Variants in CCDC93 observed in about 807,000 individuals in gnomAD.
The protein encoded by CCDC93 is coiled-coil domain-containing protein 93.
CCDC93 carries 61 observed loss-of-function variants against 108.2 expected under a neutral mutation model. The ratio of observed to expected loss-of-function variants is 0.56; its 90% CI spans 0.46 to 0.70. The LOEUF (loss-of-function observed/expected upper bound fraction) is 0.70, where lower values mean the gene tolerates loss of function less well. CCDC93 is among the 30% of genes least tolerant of loss of function. The probability of loss-of-function intolerance (pLI) is 0.00; values close to 1 mark genes in which losing one functional copy is unlikely to be tolerated. For missense variants in CCDC93, 685 were observed against 764.2 expected, an observed-to-expected ratio of 0.90 and a Z score of 1.22; for synonymous variants, 276 against 260.4, an observed-to-expected ratio of 1.06 and a Z score of -0.58.
chr2:117,941,177 C>A lies in CCDC93; in HGVS notation c.1522+12G>T. On this transcript the variant is annotated intron_variant, in intron 19 of 23. Coordinates refer to ENST00000376300, the MANE Select transcript of CCDC93 (RefSeq NM_019044.5). Reference sequence around the variant, plus strand: ...CCAGCCTCAAGAGCTTGTCTGTGGTCAATGCACCTACTCTGGCGGTAGAGT... The same window carrying A: ...CCAGCCTCAAGAGCTTGTCTGTGGTAAATGCACCTACTCTGGCGGTAGAGT... 6.3e-7 allele frequency: 1 copy of A among 1,583,618 alleles called. No homozygotes were observed. The highest frequency in any genetic ancestry group is 8.7e-7 in the Non-Finnish European group (1 of 1,152,526).
At chr2:117,934,088 C>T (rs4849644) in intron 22 of CCDC93, 148,181 of 152,366 alleles carry the variant, frequency 0.97, 72,193 homozygotes, top group Middle Eastern at 1. Flanking sequence ...GTGAGGCCCA[C>T]TTCTTCCCCT....
intron 7 of CCDC93, among the ~76,000 whole-genome samples, chr2:117,981,467 T>C (rs193128045): frequency 7.2e-5 from 11 of 152,326 alleles, no homozygotes; most frequent in African/African-American, 1.9e-4. Flanking sequence ...CATGCTTCCA[T>C]TTGCTCCTGC....
intron 22 of CCDC93, 141 bp from the exon 23 acceptor site, chr2:117,931,291 T>C (rs991582839): frequency 5.0e-6 from 3 of 604,520 alleles, no homozygotes; most frequent in Non-Finnish European, 2.9e-6. Flanking sequence ...ATTTTTGAGG[T>C]TGGTTAATTT....
intron 11 of CCDC93, among the ~76,000 whole-genome samples, chr2:117,962,886 G>C (rs574361120): frequency 7.2e-4 from 110 of 152,182 alleles, no homozygotes; most frequent in Non-Finnish European, 1.4e-3. Flanking sequence ...CATAAATCTT[G>C]ATACAGCTGT....
At chr2:117,981,103 T>C (rs891818914) in intron 7 of CCDC93, among the ~76,000 whole-genome samples, 2 of 152,194 alleles carry the variant, frequency 1.3e-5, no homozygotes, top group African/African-American at 4.8e-5. Flanking sequence ...CTGACAGACA[T>C]CTGGGTTGTT....
chr2:117,921,535 C>A (rs1216597251), intron 23 of CCDC93: 4 of 152,188 alleles, frequency 2.6e-5, no homozygotes, highest in African/African-American at 4.8e-5. Flanking sequence ...AGAGGTAGAG[C>A]TCACAGGCTT....
At chr2:117,951,892 A>G (rs776779585) in intron 13 of CCDC93, among the ~76,000 whole-genome samples, 12 of 152,178 alleles carry the variant, frequency 7.9e-5, no homozygotes, top group Non-Finnish European at 1.3e-4. Context: ...CTCCTCCTGC[A>G]GCCCTTCCCC....
intron 23 of CCDC93, among the ~76,000 whole-genome samples, chr2:117,922,684 G>T (rs183767013): frequency 5.1e-4 from 78 of 152,304 alleles, no homozygotes; most frequent in African/African-American, 1.7e-3. Flanking sequence ...AAGTGCTTGG[G>T]CCCAGGATGC....
chr2:117,931,010 T>TA lies in CCDC93; in HGVS notation c.1842+26dup, dbSNP rs756325256. On this transcript the variant is annotated intron_variant, in intron 23 of 23. Coordinates refer to ENST00000376300, the MANE Select transcript of CCDC93 (RefSeq NM_019044.5). Reference sequence around the variant, plus strand: ...GTGAACATATATCTCACGTTAGCCTTAATGTGCTACCCAGCCTTCCTCTTA... The same window carrying TA: ...GTGAACATATATCTCACGTTAGCCTTAAATGTGCTACCCAGCCTTCCTCTTA... The TA allele has an allele frequency of 1.3e-5, 19 of 1,458,932 alleles. No individual in the cohort carries two copies. In the Admixed American group the frequency reaches 3.5e-4, roughly 27 times the overall value. The allele number at this position is 1,458,932 out of a possible 1,614,324, so 90.4% of individuals were successfully genotyped here.
intron 3 of CCDC93, among the ~76,000 whole-genome samples, chr2:118,002,434 G>C (rs867453013): frequency 6.6e-6 from 1 of 152,162 alleles, no homozygotes; most frequent in South Asian, 2.1e-4. Context: ...GCCCCCCAGG[G>C]AATGGGCACT....
chr2:117,961,498 A>C (rs1161608886), intron 11 of CCDC93, among the ~76,000 whole-genome samples: 2 of 152,204 alleles, frequency 1.3e-5, no homozygotes, highest in Non-Finnish European at 2.9e-5. Context: ...TTAGTCAGAT[A>C]AAACAGTTTA....
At chr2:117,925,651 A>T (rs567866863) in intron 23 of CCDC93, among the ~76,000 whole-genome samples, 1 of 152,364 alleles carries the variant, frequency 6.6e-6, no homozygotes, top group East Asian at 1.9e-4. Context: ...AAAGAGACTT[A>T]GACTACCACA....
intron 22 of CCDC93, among the ~76,000 whole-genome samples, chr2:117,933,756 G>A (rs1216915905): frequency 6.6e-6 from 1 of 151,476 alleles, no homozygotes; most frequent in Non-Finnish European, 1.5e-5. Context: ...CCAAGTGACT[G>A]CTGTTCCATT....
chr2:117,925,869 T>G lies in CCDC93; in HGVS notation c.1842+5168A>C, dbSNP rs573901078. On this transcript the variant is annotated intron_variant, in intron 23 of 23. Coordinates refer to ENST00000376300, the MANE Select transcript of CCDC93 (RefSeq NM_019044.5). The stretch of plus-strand genomic sequence containing the variant: ...CCAAAATTGACCACATAGATGGAAG[T>G]AAAGCACTCCTCAGCAAATGTAAAA... Among the ~76,000 whole-genome samples the G allele has an allele frequency of 6.6e-5, 10 of 152,254 alleles. No homozygotes were observed. In the South Asian group the frequency reaches 2.1e-3, roughly 32 times the overall value.
At chr2:117,926,366 T>C (rs1176455788) in intron 23 of CCDC93, among the ~76,000 whole-genome samples, 2 of 151,978 alleles carry the variant, frequency 1.3e-5, no homozygotes, top group Admixed American at 6.6e-5. Context: ...ATTGATAGAC[T>C]GCTAGCAAGA....
Position 117,929,791 on chromosome 2 carries a change from C to T in CCDC93, c.1842+1246G>A, listed in dbSNP as rs3821329. Among the ~76,000 whole-genome samples the T allele has an allele frequency of 3.2e-4, 48 of 152,288 alleles. 1 individual carries two copies. The East Asian group carries it at 7.2e-3, about 23-fold the overall frequency. On this transcript the variant is annotated intron_variant, in intron 23 of 23. Transcript: ENST00000376300. ...GTCCCAGACTGAGCCGCAGACCCTC[C>T]GCTCCCCATTCCTGCACTGCTGTGG...
At chr2:117,922,028 T>G (rs3771931) in intron 23 of CCDC93, among the ~76,000 whole-genome samples, 87,584 of 151,556 alleles carry the variant, frequency 0.58, 25,612 homozygotes, top group Middle Eastern at 0.63. Context: ...ACAAATGGAG[T>G]GGAAGAGATG....
intron 6 of CCDC93, among the ~76,000 whole-genome samples, chr2:117,989,160 C>T (rs758725947): frequency 6.6e-6 from 1 of 152,144 alleles, no homozygotes. Context: ...CTTTGCAAAC[C>T]CTTCAAAACT....
chr2:117,921,112 G>C (rs1389210263), intron 23 of CCDC93, among the ~76,000 whole-genome samples: 1 of 149,542 alleles, frequency 6.7e-6, no homozygotes, highest in Non-Finnish European at 1.5e-5. Context: ...AGGAGGCGGA[G>C]CTTGCAGTGA....
Sources: gnomAD v4.1 joint callset for allele counts (sites outside exome capture counted in the v4.1 genomes callset) on GRCh38, gnomAD v4.1.1 for gene constraint, MANE v1.5 for transcripts, NCBI Gene and HGNC (gene_info 2026-07-23, HGNC 2026-07-21) for gene names.